The following SUGT1 variants were observed in gnomAD, a reference collection of about 807,000 sequenced individuals.
The protein encoded by SUGT1 is SGT1 assembly cochaperone of MIS12 kinetochore complex, also known as protein SGT1 homolog.
Under a neutral mutation model 56.1 loss-of-function variants are expected in SUGT1, and 15 were observed. The observed-to-expected ratio is 0.27, with a 90% CI of 0.18 to 0.41. SUGT1 has a LOEUF of 0.41. Ranked by LOEUF, SUGT1 falls within the 10% of genes least tolerant of loss-of-function variation. The probability of loss-of-function intolerance (pLI) is 1.00; values close to 1 mark genes in which losing one functional copy is unlikely to be tolerated. For missense variants in SUGT1, 347 were observed against 382.2 expected, an observed-to-expected ratio of 0.91 and a Z score of 0.77; for synonymous variants, 123 against 128.6, an observed-to-expected ratio of 0.96 and a Z score of 0.30.
At chr13:52,658,546 C>T (rs964623796) in intron 4 of SUGT1, 78 bp downstream of exon 4, 13 of 1,349,748 alleles carry the variant, frequency 9.6e-6, no homozygotes, top group Middle Eastern at 3.7e-4. Context: ...TCATTGCAAG[C>T]TTTATATAAG....
intron 10 of SUGT1, 45 bp downstream of exon 10, chr13:52,666,964 A>G (rs954590903): frequency 7.5e-7 from 1 of 1,328,414 alleles, no homozygotes; most frequent in South Asian, 1.2e-5. Flanking sequence ...TTTCAAAATT[A>G]TAGAAATACT....
rs1964045011 is a variant in SUGT1 at position 52,700,321 on chromosome 13, AT to A, written c.*12487del. 1 of 152,172 alleles carries A rather than the reference AT, an allele frequency of 6.6e-6. No homozygotes were observed. The highest frequency in any genetic ancestry group is 1.5e-5 in the Non-Finnish European group (1 of 68,012). 9.4% of individuals were successfully genotyped at this position (152,172 alleles called of 1,614,324 possible). A position where few individuals can be genotyped will look rare whatever the true frequency, so the allele number is the denominator to read the frequency against. On this transcript the variant is annotated 3_prime_UTR_variant, in exon 13 of 13. Transcript: ENST00000310528. Reference sequence around the variant, plus strand: ...ATAGCCTCAGCTATTTGCTATGTTTATATTATACCTGCATAAAAGTATTTAT... The same window carrying A: ...ATAGCCTCAGCTATTTGCTATGTTTAATTATACCTGCATAAAAGTATTTAT...
chr13:52,655,351 A>G (rs1962112990), intron 2 of SUGT1, among the ~76,000 whole-genome samples: 1 of 152,216 alleles, frequency 6.6e-6, no homozygotes. Context: ...CAAAGGCATT[A>G]AATCCCAGCA....
chr13:52,660,257 C>T (rs888658702), intron 5 of SUGT1, among the ~76,000 whole-genome samples: 1 of 152,114 alleles, frequency 6.6e-6, no homozygotes, highest in Non-Finnish European at 1.5e-5. Context: ...TATCACAGTT[C>T]TCTAAAGAAG....
In SUGT1 at chr13:52,695,205, G is replaced by C. The variant is rs763867289; in HGVS notation, c.*7370G>C. ...ACACATTCATAAGTAATGAGCTTAG[G>C]CTGAGGATATATATCCAGTGGGGGA... is the stretch of plus-strand genomic sequence containing the variant. On this transcript the variant is annotated 3_prime_UTR_variant, in exon 13 of 13. Transcript: ENST00000310528. 1 of 152,196 alleles carries C rather than the reference G, an allele frequency of 6.6e-6. No homozygotes were observed. Among genetic ancestry groups the C allele is most frequent in the Non-Finnish European group, 1.5e-5 (1 of 68,036 alleles). 9.4% of individuals were successfully genotyped at this position (152,196 alleles called of 1,614,324 possible).
intron 10 of SUGT1, among the ~76,000 whole-genome samples, chr13:52,675,492 A>T (rs1400521986): frequency 6.6e-6 from 1 of 152,108 alleles, no homozygotes. Context: ...CTGGAGGATC[A>T]CTTGAGCCCA....
chr13:52,664,436 A>G (rs1263253724), intron 8 of SUGT1, among the ~76,000 whole-genome samples: 4 of 152,180 alleles, frequency 2.6e-5, no homozygotes, highest in South Asian at 4.1e-4. Context: ...TCATAGGAAC[A>G]TTCTGTATGC....
At chr13:52,672,319 A>G (rs899584788) in intron 10 of SUGT1, among the ~76,000 whole-genome samples, 4 of 152,110 alleles carry the variant, frequency 2.6e-5, no homozygotes, top group African/African-American at 9.7e-5. Context: ...CTGATTAATT[A>G]CTTTAAGAAG....
At chr13:52,661,087 C>G (rs903880084) in intron 5 of SUGT1, among the ~76,000 whole-genome samples, 10 of 152,162 alleles carry the variant, frequency 6.6e-5, no homozygotes, top group Admixed American at 6.5e-5. Context: ...GCTGGGGTTA[C>G]AGGCATGAGC....
intron 12 of SUGT1, chr13:52,687,089 A>AAAAAAAAAAT (rs1963622490): frequency 6.6e-6 from 1 of 151,234 alleles, no homozygotes; most frequent in Non-Finnish European, 1.5e-5. Flanking sequence ...AAAAAAAAAA[A>AAAAAAAAAAT]AAAGAAATGT....
rs2138197643 is a variant in SUGT1, at chr13:52,696,485, A to AT, written c.*8651dup. The AT allele has an allele frequency of 6.6e-6, 1 of 152,242 alleles. No individual in the cohort carries two copies. Among genetic ancestry groups the AT allele is most frequent in the East Asian group, 1.9e-4 (1 of 5,182 alleles). 9.4% of individuals were successfully genotyped at this position (152,242 alleles called of 1,614,324 possible). ...TATTTACTTAAGCTTTGGATCTTTGATACATAGCGTAGTGCCTTTCACATA... is the reference window on the plus strand; with the variant it reads ...TATTTACTTAAGCTTTGGATCTTTGATTACATAGCGTAGTGCCTTTCACATA... On this transcript the variant is annotated 3_prime_UTR_variant, in exon 13 of 13. Transcript: ENST00000310528.
At position 52,671,797 on chromosome 13, in the gene SUGT1, CAT is replaced by C. The variant is rs1181120330; in HGVS notation, c.628-4428_628-4427del. On this transcript the variant is annotated intron_variant, in intron 10 of 12. Transcript: ENST00000310528. ...TGAGATTGAGTTGCTTGCTTATGGT[CAT>C]ATATCTAACCAATGGCACCTATTTG... Among the ~76,000 whole-genome samples, 4 of 152,132 alleles carry C rather than the reference CAT, an allele frequency of 2.6e-5. No individual in the cohort carries two copies. The South Asian group carries it at 6.2e-4, about 24-fold the overall frequency.
chr13:52,678,621 C>T (rs987998654), intron 11 of SUGT1, among the ~76,000 whole-genome samples: 2 of 151,528 alleles, frequency 1.3e-5, no homozygotes, highest in Admixed American at 6.6e-5. Context: ...GAAATATATG[C>T]TACAGTTTGA....
chr13:52,676,975 A>G (rs777871830), intron 11 of SUGT1, among the ~76,000 whole-genome samples: 2 of 152,224 alleles, frequency 1.3e-5, no homozygotes, highest in Non-Finnish European at 2.9e-5. Context: ...ACTCAGAACT[A>G]CAACCTAAGA....
chr13:52,700,527 T>C lies in SUGT1; in HGVS notation c.*12692T>C, dbSNP rs1458959595. 6.6e-6 allele frequency: 1 copy of C among 152,176 alleles called. No homozygotes were observed. Among genetic ancestry groups the C allele is most frequent in the African/African-American group, 2.4e-5 (1 of 41,452 alleles). The allele number at this position is 152,176 out of a possible 1,614,324, so 9.4% of individuals were successfully genotyped here. A position where few individuals can be genotyped will look rare whatever the true frequency, so the allele number is the denominator to read the frequency against. On this transcript the variant is annotated 3_prime_UTR_variant, in exon 13 of 13. Coordinates refer to ENST00000310528, the MANE Select transcript of SUGT1 (RefSeq NM_006704.5). The stretch of plus-strand genomic sequence containing the variant: ...TCTCAAAATGAAGTACACCTATATA[T>C]GCATATAGTATATGAGCATGTGTAT...
At chr13:52,661,658 G>A in intron 5 of SUGT1, 3 of 370,400 alleles carry the variant, frequency 8.1e-6, no homozygotes, top group Non-Finnish European at 1.6e-5. Context: ...GTAAAGAATT[G>A]TTACCTTTTC....
rs60107053 is a variant in SUGT1, at chr13:52,696,914, C to CTTTTTTTTTTTTTTT, written c.*9085_*9099dup. 4 of 108,756 alleles carry CTTTTTTTTTTTTTTT rather than the reference C, an allele frequency of 3.7e-5. No individual in the cohort carries two copies. Among genetic ancestry groups the CTTTTTTTTTTTTTTT allele is most frequent in the Non-Finnish European group, 7.5e-5 (4 of 53,352 alleles). 6.7% of individuals were successfully genotyped at this position (108,756 alleles called of 1,614,324 possible). A position where few individuals can be genotyped will look rare whatever the true frequency, so the allele number is the denominator to read the frequency against. On this transcript the variant is annotated 3_prime_UTR_variant, in exon 13 of 13. Transcript: ENST00000310528. ...TCAAAACCAGTGTGATATCCAAGTACTTTTTTTTTTTTTTTTTTTTGCTAT... is the reference window on the plus strand; with the variant it reads ...TCAAAACCAGTGTGATATCCAAGTACTTTTTTTTTTTTTTTTTTTTTTTTTTTTTTTTTTTGCTAT...
rs1017426621 is a variant in SUGT1, at chr13:52,696,160, T to C, written c.*8325T>C. On this transcript the variant is annotated 3_prime_UTR_variant, in exon 13 of 13. Coordinates refer to ENST00000310528, the MANE Select transcript of SUGT1 (RefSeq NM_006704.5). ...GCGCGGTCTAGCTTCCATCTTTGTA[T>C]GTGTAGCACCTGGTACATAGAGAAC... The C allele has an allele frequency of 1.3e-5, 2 of 152,312 alleles. No homozygotes were observed. The highest frequency in any genetic ancestry group is 4.8e-5 in the African/African-American group (2 of 41,460). 9.4% of individuals were successfully genotyped at this position (152,312 alleles called of 1,614,324 possible). A position where few individuals can be genotyped will look rare whatever the true frequency, so the allele number is the denominator to read the frequency against.
rs34756282 is a variant in SUGT1 at position 52,693,118 on chromosome 13, G to GCA, written c.*5283_*5284insCA. 4.0e-5 allele frequency: 6 copies of GCA among 150,174 alleles called. No homozygotes were observed. Among genetic ancestry groups the GCA allele is most frequent in the Non-Finnish European group, 8.9e-5 (6 of 67,486 alleles). 9.3% of individuals were successfully genotyped at this position (150,174 alleles called of 1,614,324 possible). On this transcript the variant is annotated 3_prime_UTR_variant, in exon 13 of 13. Coordinates refer to ENST00000310528, the MANE Select transcript of SUGT1 (RefSeq NM_006704.5). Reference sequence around the variant, plus strand: ...TTTTCCTAACTTATGTTAGCATTTTGTATATATATATATATTTGAATTTTG... The same window carrying GCA: ...TTTTCCTAACTTATGTTAGCATTTTGCATATATATATATATATTTGAATTTTG...
Sources: gnomAD v4.1 joint callset for allele counts (sites outside exome capture counted in the v4.1 genomes callset) on GRCh38, gnomAD v4.1.1 for gene constraint, MANE v1.5 for transcripts, NCBI Gene and HGNC (gene_info 2026-07-23, HGNC 2026-07-21) for gene names.